Variants in GRM3 observed in about 807,000 individuals in gnomAD.
GRM3 encodes metabotropic glutamate receptor 3.
A neutral mutation model predicts 70.5 loss-of-function variants in GRM3; 26 were observed. The ratio of observed to expected loss-of-function variants is 0.37; its 90% CI spans 0.27 to 0.51. The LOEUF is 0.51. Among genes scored for constraint, GRM3 ranks in the 20% least tolerant of loss-of-function variants. The pLI is 0.93. For synonymous variants in GRM3, 443 were observed against 434.9 expected (o/e 1.02, Z -0.23); for missense variants, 859 against 1,123.8 (o/e 0.76, Z 3.37).
chr7:86,681,865 T>G (rs1484128665), intron 1 of GRM3, among the ~76,000 whole-genome samples: 1 of 152,196 alleles, frequency 6.6e-6, no homozygotes, highest in Non-Finnish European at 1.5e-5. Flanking sequence ...TAGGTTGTAT[T>G]CCTGAGAAAA....
At chr7:86,854,501 CTAAT>C (rs1387412937) in intron 5 of GRM3, among the ~76,000 whole-genome samples, 1 of 151,716 alleles carries the variant, frequency 6.6e-6, no homozygotes, top group Non-Finnish European at 1.5e-5. Context: ...AAAGTTGTGC[CTAAT>C]TAATTATATA....
At chr7:86,646,159 T>C (rs1793467564) in intron 1 of GRM3, among the ~76,000 whole-genome samples, 1 of 152,128 alleles carries the variant, frequency 6.6e-6, no homozygotes, top group South Asian at 2.1e-4. Flanking sequence ...TGCTAAACTA[T>C]GGATAACAGT....
At chr7:86,709,718 A>G (rs1398489488) in intron 1 of GRM3, among the ~76,000 whole-genome samples, 1 of 152,098 alleles carries the variant, frequency 6.6e-6, no homozygotes, top group Non-Finnish European at 1.5e-5. Flanking sequence ...ATTAGTAGAT[A>G]CCAAAGTTCT....
chr7:86,822,124 A>G (rs542889415), intron 3 of GRM3, among the ~76,000 whole-genome samples: 3 of 152,220 alleles, frequency 2.0e-5, no homozygotes, highest in African/African-American at 7.2e-5. Flanking sequence ...AGAGAAAATG[A>G]CATCTATTTT....
intron 5 of GRM3, among the ~76,000 whole-genome samples, chr7:86,854,977 C>A (rs147554058): frequency 2.0e-4 from 31 of 152,268 alleles, no homozygotes; most frequent in Non-Finnish European, 4.0e-4. Flanking sequence ...AGAACCTGGC[C>A]GCTCAGAAAA....
At chr7:86,850,915 T>C (rs549292395) in intron 5 of GRM3, among the ~76,000 whole-genome samples, 3 of 152,246 alleles carry the variant, frequency 2.0e-5, no homozygotes, top group South Asian at 2.1e-4. Context: ...ATTTTACTAA[T>C]TAAAATAGGG....
intron 4 of GRM3, 146 bp downstream of exon 4, chr7:86,840,051 T>G (rs768712346): frequency 6.5e-5 from 40 of 612,724 alleles, no homozygotes; most frequent in Non-Finnish European, 9.8e-5. Flanking sequence ...TATGTTAAAA[T>G]TAATTATGTA....
chr7:86,702,279 T>C (rs1170119156), intron 1 of GRM3, among the ~76,000 whole-genome samples: 2 of 152,014 alleles, frequency 1.3e-5, no homozygotes, highest in East Asian at 1.9e-4. Context: ...TGAGACATCA[T>C]AGCCCTGTGG....
chr7:86,864,638 C>CA lies in GRM3; in HGVS notation c.*295dup, dbSNP rs796541263. ...CTGACATGGTCAGTCTACTAAAAAA[C>CA]AAAAAAAAAAAACAAAAAAAAAAAA... On this transcript the variant is annotated 3_prime_UTR_variant, in exon 6 of 6. Coordinates refer to ENST00000361669, the MANE Select transcript of GRM3 (RefSeq NM_000840.3). 0.035 allele frequency: 1,572 copies of CA among 45,564 alleles called. 8 individuals are homozygous for CA. The highest frequency in any genetic ancestry group is 0.042 in the Non-Finnish European group (952 of 22,602). 2.8% of individuals were successfully genotyped at this position (45,564 alleles called of 1,614,324 possible).
intron 1 of GRM3, among the ~76,000 whole-genome samples, chr7:86,735,057 C>G (rs1184307916): frequency 6.6e-6 from 1 of 152,122 alleles, no homozygotes; most frequent in African/African-American, 2.4e-5. Context: ...TCTTTATTTG[C>G]ATATGAAGCT....
intron 1 of GRM3, among the ~76,000 whole-genome samples, chr7:86,662,106 C>G (rs1283982270): frequency 6.6e-6 from 1 of 151,750 alleles, no homozygotes; most frequent in East Asian, 1.9e-4. Context: ...ATGTCTTAAC[C>G]AAATTTACTA....
At chr7:86,655,209 T>G (rs769081573) in intron 1 of GRM3, among the ~76,000 whole-genome samples, 36 of 152,248 alleles carry the variant, frequency 2.4e-4, no homozygotes, top group Non-Finnish European at 4.0e-4. Context: ...TGATTTCATT[T>G]AGAATGTGTT....
intron 1 of GRM3, among the ~76,000 whole-genome samples, chr7:86,729,372 C>T (rs1051364457): frequency 2.0e-5 from 3 of 152,164 alleles, no homozygotes; most frequent in East Asian, 1.9e-4. Flanking sequence ...TAACGTGTTC[C>T]ATTTTTTTAA....
In GRM3 at chr7:86,713,048, C is replaced by T. The variant is rs138603767; in HGVS notation, c.-140-51958C>T. 8.7e-3 allele frequency among the ~76,000 whole-genome samples: 1,324 copies of T among 152,128 alleles called. 14 individuals are homozygous for T. Among genetic ancestry groups the T allele is most frequent in the African/African-American group, 0.03 (1,264 of 41,528 alleles). On this transcript the variant is annotated intron_variant, in intron 1 of 5. Transcript: ENST00000361669. ...CTATATTTAGCTTTTTGAGGAACCT[C>T]TATACTATTCTTCATAGCATCTGTA...
At chr7:86,746,341 T>TTTTATATATATATATATA (rs1388333232) in intron 1 of GRM3, among the ~76,000 whole-genome samples, 2,931 of 86,574 alleles carry the variant, frequency 0.034, 127 homozygotes, top group African/African-American at 0.048. Context: ...CAGTCATGTA[T>TTTTATATATATATATATA]TATATATATA....
chr7:86,731,170 C>T (rs1795726203), intron 1 of GRM3, among the ~76,000 whole-genome samples: 1 of 152,158 alleles, frequency 6.6e-6, no homozygotes, highest in Non-Finnish European at 1.5e-5. Flanking sequence ...CTTTTGGATT[C>T]TTTTGATTGA....
chr7:86,718,452 G>A (rs571670063), intron 1 of GRM3, among the ~76,000 whole-genome samples: 10 of 152,096 alleles, frequency 6.6e-5, no homozygotes, highest in African/African-American at 2.4e-4. Flanking sequence ...GGATTTGAAA[G>A]GATACTCTGC....
At chr7:86,795,511 A>G (rs1264018505) in intron 3 of GRM3, among the ~76,000 whole-genome samples, 1 of 151,934 alleles carries the variant, frequency 6.6e-6, no homozygotes, top group African/African-American at 2.4e-5. Flanking sequence ...GCTTCCACTT[A>G]TAACTGAGAA....
intron 2 of GRM3, among the ~76,000 whole-genome samples, chr7:86,766,766 G>T (rs1026858840): frequency 6.6e-6 from 1 of 152,040 alleles, no homozygotes; most frequent in Admixed American, 6.5e-5. Context: ...CATACACTTT[G>T]CCTCCCACCA....
Sources: gnomAD v4.1 joint callset for allele counts (sites outside exome capture counted in the v4.1 genomes callset) on GRCh38, gnomAD v4.1.1 for gene constraint, MANE v1.5 for transcripts, NCBI Gene and HGNC (gene_info 2026-07-23, HGNC 2026-07-21) for gene names.